The following FOLH1 variants were observed in gnomAD, a reference collection of about 807,000 sequenced individuals.
FOLH1 encodes glutamate carboxypeptidase 2.
Under a neutral mutation model 93.9 loss-of-function variants are expected in FOLH1, and 54 were observed. The ratio of observed to expected loss-of-function variants is 0.57; its 90% CI spans 0.46 to 0.72. The LOEUF is 0.72. Among genes scored for constraint, FOLH1 ranks in the 30% least tolerant of loss-of-function variants. The pLI, the probability that FOLH1 is intolerant of heterozygous loss-of-function variation, is 0.00. For missense variants in FOLH1, 571 were observed against 892.5 expected (o/e 0.64, Z 4.59); for synonymous variants, 249 against 303.6 (o/e 0.82, Z 1.87).
chr11:49,178,295 G>A (rs1860338874), intron 7 of FOLH1, among the ~76,000 whole-genome samples: 1 of 152,226 alleles, frequency 6.6e-6, no homozygotes, highest in South Asian at 2.1e-4. Context: ...CTCTGCAGCA[G>A]AGAACTATGC....
At chr11:49,177,362 C>G (rs35966444) in intron 7 of FOLH1, among the ~76,000 whole-genome samples, 1 of 151,922 alleles carries the variant, frequency 6.6e-6, no homozygotes, top group Non-Finnish European at 1.5e-5. Context: ...GTAGAAAGCA[C>G]AATACATAGC....
chr11:49,196,375 T>C (rs960582797), intron 3 of FOLH1, among the ~76,000 whole-genome samples: 30 of 152,128 alleles, frequency 2.0e-4, no homozygotes, highest in African/African-American at 7.0e-4. Flanking sequence ...CCAACTGGTT[T>C]TCCTTGAGTT....
At chr11:49,163,874 C>T (rs1225938078) in intron 13 of FOLH1, among the ~76,000 whole-genome samples, 9 of 152,046 alleles carry the variant, frequency 5.9e-5, no homozygotes, top group Non-Finnish European at 1.3e-4. Context: ...TGCAAAGATC[C>T]ATGGAAAAAG....
chr11:49,152,870 T>C (rs1328103346), intron 17 of FOLH1, among the ~76,000 whole-genome samples: 2 of 152,136 alleles, frequency 1.3e-5, no homozygotes, highest in Non-Finnish European at 2.9e-5. Context: ...CACCTGTTGT[T>C]TATGTTAGCA....
At chr11:49,208,238 A>G in intron 1 of FOLH1, 54 bp downstream of exon 1, 1 of 1,294,328 alleles carries the variant, frequency 7.7e-7, no homozygotes, top group Non-Finnish European at 1.1e-6. Context: ...GAGTCCCAGC[A>G]CCGCGGCACC....
intron 7 of FOLH1, among the ~76,000 whole-genome samples, chr11:49,178,660 C>A (rs554201962): frequency 1.6e-4 from 24 of 152,176 alleles, no homozygotes; most frequent in African/African-American, 5.3e-4. Flanking sequence ...CTCTTTAGGT[C>A]ATTTTCTCAC....
intron 3 of FOLH1, among the ~76,000 whole-genome samples, chr11:49,196,402 A>G (rs1269544954): frequency 1.3e-5 from 2 of 152,196 alleles, no homozygotes; most frequent in Non-Finnish European, 2.9e-5. Flanking sequence ...GTTAAAGGAA[A>G]AAATAATTTA....
intron 9 of FOLH1, 36 bp downstream of exon 9, chr11:49,174,856 C>T (rs772103271): frequency 1.3e-6 from 2 of 1,509,018 alleles, no homozygotes; most frequent in Admixed American, 3.5e-5. Flanking sequence ...ATAACAGTTA[C>T]TTGATCAATA....
chr11:49,149,370 T>C (rs1462528695), intron 17 of FOLH1, among the ~76,000 whole-genome samples: 1 of 152,132 alleles, frequency 6.6e-6, no homozygotes, highest in East Asian at 1.9e-4. Context: ...AGTGAGGAAA[T>C]GTAGCTGTGT....
At chr11:49,149,217 T>A (rs1416705199) in intron 17 of FOLH1, among the ~76,000 whole-genome samples, 2 of 152,056 alleles carry the variant, frequency 1.3e-5, no homozygotes, top group Non-Finnish European at 2.9e-5. Context: ...ACCAAACAAA[T>A]TAAATTGATC....
At chr11:49,177,861 G>T (rs1245260804) in intron 7 of FOLH1, among the ~76,000 whole-genome samples, 41 of 151,648 alleles carry the variant, frequency 2.7e-4, no homozygotes, top group Non-Finnish European at 5.6e-4. Context: ...TATTTGGGAG[G>T]CTGAGGCAGG....
chr11:49,155,824 A>G (rs1856959530), intron 15 of FOLH1, among the ~76,000 whole-genome samples: 1 of 113,782 alleles, frequency 8.8e-6, no homozygotes, highest in East Asian at 2.6e-4. Flanking sequence ...ATATATATAT[A>G]TATATATATA....
At chr11:49,185,904 G>T in intron 5 of FOLH1, 49 bp from the exon 6 acceptor site, 1 of 1,497,916 alleles carries the variant, frequency 6.7e-7, no homozygotes, top group Non-Finnish European at 8.9e-7. Context: ...GGTTGTTCCA[G>T]ATTCGGTAAT....
At chr11:49,201,381 C>A (rs1863239660) in intron 2 of FOLH1, among the ~76,000 whole-genome samples, 1 of 149,676 alleles carries the variant, frequency 6.7e-6, no homozygotes, top group Non-Finnish European at 1.5e-5. Flanking sequence ...AACTAATAAC[C>A]AACATGACTA....
chr11:49,154,840 A>G (rs1243551856), intron 15 of FOLH1, among the ~76,000 whole-genome samples: 1 of 152,134 alleles, frequency 6.6e-6, no homozygotes, highest in Non-Finnish European at 1.5e-5. Context: ...TAAAAAGAAG[A>G]CGAATTGTTA....
Position 49,146,801 on chromosome 11 carries a change from G to T in FOLH1, c.2208C>A (p.Ala736=). 1 of 1,613,394 alleles carries T rather than the reference G, an allele frequency of 6.2e-7. No individual in the cohort carries two copies. Among genetic ancestry groups the T allele is most frequent in the Non-Finnish European group, 8.5e-7 (1 of 1,179,592 alleles). Residue 736 remains alanine (A), a synonymous_variant, in exon 19 of 19, where the codon GCC becomes GCA. Coordinates refer to ENST00000256999, the MANE Select transcript of FOLH1 (RefSeq NM_004476.3). ...GEVKRQIYVA[A]FTVQAAAETL... is the part of the protein sequence containing the mutation. Reference sequence around the variant, plus strand: ...TCTCTGCAGCTGCCTGCACTGTGAAGGCTGCAACATAAATCTGTCTCTTCA... The same window carrying T: ...TCTCTGCAGCTGCCTGCACTGTGAATGCTGCAACATAAATCTGTCTCTTCA...
At chr11:49,147,188 T>C (rs1397758665) in intron 18 of FOLH1, among the ~76,000 whole-genome samples, 2 of 152,218 alleles carry the variant, frequency 1.3e-5, no homozygotes, top group South Asian at 4.1e-4. Flanking sequence ...ACAATGATGA[T>C]AGTAACCACA....
intron 1 of FOLH1, chr11:49,207,980 A>G (rs940555069): frequency 1.6e-6 from 1 of 611,320 alleles, no homozygotes; most frequent in Non-Finnish European, 3.0e-6. Context: ...AACAAAAGCA[A>G]AAAAAAAACT....
chr11:49,193,018 G>C (rs1450615498), intron 3 of FOLH1, 124 bp from the exon 4 acceptor site: 2 of 696,632 alleles, frequency 2.9e-6, no homozygotes, highest in Non-Finnish European at 4.3e-6. Flanking sequence ...TCAGGATTTT[G>C]ATGATAGTAT....
Sources: gnomAD v4.1 joint callset for allele counts (sites outside exome capture counted in the v4.1 genomes callset) on GRCh38, gnomAD v4.1.1 for gene constraint, MANE v1.5 for transcripts, NCBI Gene and HGNC (gene_info 2026-07-23, HGNC 2026-07-21) for gene names.